Variants in CDH20 observed in about 807,000 individuals in gnomAD.
The protein encoded by CDH20 is cadherin-20.
Under a neutral mutation model 74.2 loss-of-function variants are expected in CDH20, and 29 were observed. The ratio of observed to expected loss-of-function variants is 0.39; its 90% CI spans 0.29 to 0.53. The LOEUF is 0.53. Ranked by LOEUF, CDH20 falls within the 20% of genes least tolerant of loss-of-function variation. The pLI is 0.69. For synonymous variants in CDH20, 469 were observed against 405.4 expected, an observed-to-expected ratio of 1.16 and a Z score of -1.88; for missense variants, 988 against 1,048.3, an observed-to-expected ratio of 0.94 and a Z score of 0.79.
intron 1 of CDH20, among the ~76,000 whole-genome samples, chr18:61,377,744 T>C (rs1321619846): frequency 6.6e-6 from 1 of 152,072 alleles, no homozygotes; most frequent in Non-Finnish European, 1.5e-5. Context: ...ATGGGTTTCT[T>C]AATATTACGA....
chr18:61,494,464 G>A (rs1911063863), intron 2 of CDH20, among the ~76,000 whole-genome samples: 2 of 152,124 alleles, frequency 1.3e-5, no homozygotes, highest in South Asian at 4.1e-4. Flanking sequence ...CAGCAACCAA[G>A]CGAAGATTTT....
chr18:61,434,433 C>T (rs1273721352), intron 1 of CDH20, among the ~76,000 whole-genome samples: 1 of 152,134 alleles, frequency 6.6e-6, no homozygotes, highest in Admixed American at 6.6e-5. Context: ...TTATTAAATG[C>T]TAACTAAGTG....
chr18:61,541,872 C>A (rs1296196001), intron 9 of CDH20, among the ~76,000 whole-genome samples: 1 of 152,128 alleles, frequency 6.6e-6, no homozygotes, highest in Non-Finnish European at 1.5e-5. Context: ...ACCAGCTGAG[C>A]AGAATATTGC....
intron 1 of CDH20, among the ~76,000 whole-genome samples, chr18:61,433,554 G>T (rs1908726870): frequency 6.6e-6 from 1 of 152,154 alleles, no homozygotes; most frequent in African/African-American, 2.4e-5. Context: ...GTAGAAACAT[G>T]AGGCCAATGA....
chr18:61,498,418 A>C (rs1911248537), intron 2 of CDH20, among the ~76,000 whole-genome samples: 2 of 93,388 alleles, frequency 2.1e-5, no homozygotes, highest in Admixed American at 2.2e-4. Flanking sequence ...AAAAAAAAAA[A>C]AAAAAGGATT....
At chr18:61,444,165 C>T (rs902055000) in intron 1 of CDH20, among the ~76,000 whole-genome samples, 1 of 152,026 alleles carries the variant, frequency 6.6e-6, no homozygotes, top group African/African-American at 2.4e-5. Flanking sequence ...GTCACCACTG[C>T]CTCCCTCCCC....
At position 61,353,844 on chromosome 18, in the gene CDH20, G is replaced by T. The variant is rs1239613146; in HGVS notation, c.-153+20017G>T. Among the ~76,000 whole-genome samples, 1 of 152,228 alleles carries T rather than the reference G, an allele frequency of 6.6e-6. No homozygotes were observed. Among genetic ancestry groups the T allele is most frequent in the East Asian group, 1.9e-4 (1 of 5,166 alleles). On this transcript the variant is annotated intron_variant, in intron 1 of 11. Transcript: ENST00000262717. This position sits in a 1 kb window ranked among gnomAD's most constrained non-coding sequence, Gnocchi z 4.6. ...TGCCTGTAATCCCAGCATTTTAGGA[G>T]GCCGGGGCGGTTGGATTGCCTGAAC...
At chr18:61,429,821 T>C (rs1027524996) in intron 1 of CDH20, among the ~76,000 whole-genome samples, 5 of 152,162 alleles carry the variant, frequency 3.3e-5, no homozygotes, top group Non-Finnish European at 7.3e-5. Context: ...ACAGTGATGG[T>C]TTACGATTAT....
intron 1 of CDH20, among the ~76,000 whole-genome samples, chr18:61,415,209 C>A (rs946488224): frequency 6.6e-6 from 1 of 152,126 alleles, no homozygotes; most frequent in Non-Finnish European, 1.5e-5. Flanking sequence ...TAACCCCCAA[C>A]ATACCAGAAA....
intron 1 of CDH20, among the ~76,000 whole-genome samples, chr18:61,450,127 G>T (rs2144335623): frequency 6.6e-6 from 1 of 151,950 alleles, no homozygotes; most frequent in East Asian, 1.9e-4. Flanking sequence ...TTCAATACCA[G>T]GCACATTATT....
intron 1 of CDH20, among the ~76,000 whole-genome samples, chr18:61,427,916 A>G (rs1287932774): frequency 2.0e-5 from 3 of 152,236 alleles, no homozygotes; most frequent in African/African-American, 7.2e-5. Context: ...GGTTTATGTT[A>G]GACATCTTCC....
chr18:61,441,182 C>T (rs1909020519), intron 1 of CDH20, among the ~76,000 whole-genome samples: 1 of 152,104 alleles, frequency 6.6e-6, no homozygotes, highest in African/African-American at 2.4e-5. Context: ...AATCCTCTCA[C>T]CTTTGTATAA....
intron 1 of CDH20, among the ~76,000 whole-genome samples, chr18:61,358,490 C>T (rs1010290890): frequency 6.6e-6 from 1 of 152,130 alleles, no homozygotes; most frequent in South Asian, 2.1e-4. Flanking sequence ...ATGTGCTTCT[C>T]TTCTACCCCT....
At chr18:61,488,389 T>A (rs1910841770) in intron 1 of CDH20, among the ~76,000 whole-genome samples, 1 of 152,200 alleles carries the variant, frequency 6.6e-6, no homozygotes, top group Non-Finnish European at 1.5e-5. Context: ...CCATGATTTT[T>A]ACATATGACC....
intron 6 of CDH20, among the ~76,000 whole-genome samples, chr18:61,513,810 G>A (rs1911876334): frequency 6.6e-6 from 1 of 152,106 alleles, no homozygotes; most frequent in African/African-American, 2.4e-5. Context: ...TTTTCTTTAA[G>A]AATGTTGAAT....
chr18:61,385,964 A>G (rs1162941066), intron 1 of CDH20, among the ~76,000 whole-genome samples: 3 of 152,076 alleles, frequency 2.0e-5, no homozygotes, highest in Middle Eastern at 3.4e-3. Context: ...CAGTTTACAT[A>G]GAAAATGCAA....
intron 1 of CDH20, among the ~76,000 whole-genome samples, chr18:61,483,564 A>G (rs7239032): frequency 0.018 from 2,693 of 152,266 alleles, 78 homozygotes; most frequent in African/African-American, 0.059. Context: ...CTGCTACACT[A>G]TTATTGTTAA....
Position 61,388,858 on chromosome 18 carries a change from A to G in CDH20, c.-153+55031A>G, listed in dbSNP as rs182397021. The stretch of plus-strand genomic sequence containing the variant: ...CTCCATCTACTAGGCAAGAAATTAC[A>G]GAAAATGATAAACTCTGAACCTTGT... On this transcript the variant is annotated intron_variant, in intron 1 of 11. Coordinates refer to ENST00000262717, the MANE Select transcript of CDH20 (RefSeq NM_031891.4). Among the ~76,000 whole-genome samples the G allele has an allele frequency of 3.4e-3, 520 of 151,930 alleles. 2 individuals are homozygous for G. Among genetic ancestry groups the G allele is most frequent in the Admixed American group, 8.7e-3 (132 of 15,186 alleles).
chr18:61,417,267 C>T (rs8182440), intron 1 of CDH20, among the ~76,000 whole-genome samples: 1 of 152,028 alleles, frequency 6.6e-6, no homozygotes, highest in Admixed American at 6.5e-5. Flanking sequence ...TCAAAAAATT[C>T]TAAATTAGAA....
Sources: gnomAD v4.1 joint callset for allele counts (sites outside exome capture counted in the v4.1 genomes callset) on GRCh38, gnomAD v4.1.1 for gene constraint, Gnocchi (gnomAD v3.1) non-coding constraint, MANE v1.5 for transcripts, NCBI Gene and HGNC (gene_info 2026-07-23, HGNC 2026-07-21) for gene names.